ZFAND3: variants seen among roughly 807,000 people sequenced by gnomAD.
The protein encoded by ZFAND3 is AN1-type zinc finger protein 3.
Under a neutral mutation model 29.6 loss-of-function variants are expected in ZFAND3, and 10 were observed. The observed-to-expected ratio is 0.34, with a 90% CI of 0.21 to 0.57. The LOEUF is 0.57. ZFAND3 is among the 20% of genes least tolerant of loss of function. The probability of loss-of-function intolerance (pLI) is 0.86; values close to 1 mark genes in which losing one functional copy is unlikely to be tolerated. For missense variants in ZFAND3, 230 were observed against 304.5 expected (o/e 0.76, Z 1.82); for synonymous variants, 128 against 112.6 (o/e 1.14, Z -0.87).
chr6:37,906,269 T>C (rs1395486434), intron 1 of ZFAND3, among the ~76,000 whole-genome samples: 1 of 152,186 alleles, frequency 6.6e-6, no homozygotes, highest in Non-Finnish European at 1.5e-5. Flanking sequence ...GTTTATTCAG[T>C]CTCTTTCATA....
At chr6:37,864,073 G>A (rs563160197) in intron 1 of ZFAND3, among the ~76,000 whole-genome samples, 6 of 152,252 alleles carry the variant, frequency 3.9e-5, no homozygotes, top group East Asian at 1.9e-4. Context: ...TTTAATATTT[G>A]CACCTTATGT....
chr6:38,009,538 A>C (rs1290482503), intron 2 of ZFAND3, among the ~76,000 whole-genome samples: 1 of 152,210 alleles, frequency 6.6e-6, no homozygotes, highest in Non-Finnish European at 1.5e-5. Context: ...GTTAGTCTAC[A>C]AGAGCTTGCC....
chr6:37,926,224 A>G (rs571010549), intron 1 of ZFAND3, among the ~76,000 whole-genome samples: 2 of 152,334 alleles, frequency 1.3e-5, no homozygotes, highest in East Asian at 3.9e-4. Context: ...ACCCTTGTAT[A>G]TTAGTTTTCT....
rs1762411786 is a variant in ZFAND3 at position 37,972,716 on chromosome 6, AC to A, written c.112+42719del. 2.7e-5 allele frequency among the ~76,000 whole-genome samples: 4 copies of A among 147,066 alleles called. No individual in the cohort carries two copies. The South Asian group carries it at 8.5e-4, about 31-fold the overall frequency. ...CTATTAATTTTTTTTTTTTTTTTAC[AC>A]CATTGGGGTAAGATTTTATTTTGGC... On this transcript the variant is annotated intron_variant, in intron 2 of 5. Transcript: ENST00000287218.
intron 1 of ZFAND3, among the ~76,000 whole-genome samples, chr6:37,872,383 G>A (rs151169107): frequency 1.3e-5 from 2 of 152,178 alleles, no homozygotes; most frequent in African/African-American, 2.4e-5. Flanking sequence ...AACATATTCA[G>A]TTCCACTTCT....
At position 38,154,214 on chromosome 6, in the gene ZFAND3, G is replaced by A. The variant is rs563750650; in HGVS notation, c.*1825G>A. The A allele has an allele frequency of 7.2e-5, 71 of 985,568 alleles. No individual in the cohort carries two copies. Among genetic ancestry groups the A allele is most frequent in the Middle Eastern group, 5.2e-4 (1 of 1,914 alleles). 61.1% of individuals were successfully genotyped at this position (985,568 alleles called of 1,614,324 possible). A position where few individuals can be genotyped will look rare whatever the true frequency, so the allele number is the denominator to read the frequency against. ...GTGAGGCAGCCCCCCATAGGCTTCCGCCAAGCTCTGGTCCCGAAGAGGCTG... is the reference window on the plus strand; with the variant it reads ...GTGAGGCAGCCCCCCATAGGCTTCCACCAAGCTCTGGTCCCGAAGAGGCTG... On this transcript the variant is annotated 3_prime_UTR_variant, in exon 6 of 6. Coordinates refer to ENST00000287218, the MANE Select transcript of ZFAND3 (RefSeq NM_021943.3).
chr6:38,041,822 C>T lies in ZFAND3; in HGVS notation c.113-19771C>T, dbSNP rs753077504. The stretch of plus-strand genomic sequence containing the variant: ...TTCTCCTCTTCTTTCTTCTTCTTCT[C>T]CTCCTTTTTTTTTTTTTTTTATATG... On this transcript the variant is annotated intron_variant, in intron 2 of 5. Coordinates refer to ENST00000287218, the MANE Select transcript of ZFAND3 (RefSeq NM_021943.3). Among the ~76,000 whole-genome samples, 24 of 1,008 alleles carry T rather than the reference C, an allele frequency of 0.024. 12 individuals carry two copies. The Non-Finnish European group carries it at 0.44, about 19-fold the overall frequency. 0.7% of individuals were successfully genotyped at this position (1,008 alleles called of 152,430 possible). A position where few individuals can be genotyped will look rare whatever the true frequency, so the allele number is the denominator to read the frequency against.
chr6:38,102,826 G>A (rs549040302), intron 4 of ZFAND3, among the ~76,000 whole-genome samples: 2 of 152,204 alleles, frequency 1.3e-5, no homozygotes, highest in African/African-American at 4.8e-5. Flanking sequence ...GCGCGATCTC[G>A]GCTCACTGCA....
At chr6:38,002,607 G>C (rs1437287046) in intron 2 of ZFAND3, among the ~76,000 whole-genome samples, 1 of 152,106 alleles carries the variant, frequency 6.6e-6, no homozygotes, top group African/African-American at 2.4e-5. Flanking sequence ...AGCCCAGGAG[G>C]TGGAGGTTGC....
rs563288402 is a variant in ZFAND3 at position 37,943,031 on chromosome 6, A to C, written c.112+13032A>C. 9.2e-5 allele frequency among the ~76,000 whole-genome samples: 14 copies of C among 152,290 alleles called. No individual in the cohort carries two copies. In the South Asian group the frequency reaches 2.7e-3, roughly 29 times the overall value. ...GTATTAACCTATGCAAACAAGAGAG[A>C]ACAAAAGGAATGCATTTCTGTAGAA... On this transcript the variant is annotated intron_variant, in intron 2 of 5. Coordinates refer to ENST00000287218, the MANE Select transcript of ZFAND3 (RefSeq NM_021943.3).
chr6:38,077,995 T>A (rs900151736), intron 3 of ZFAND3, among the ~76,000 whole-genome samples: 3 of 152,226 alleles, frequency 2.0e-5, no homozygotes, highest in Non-Finnish European at 4.4e-5. Flanking sequence ...GAAATGTGTG[T>A]GTTGATAGTT....
chr6:38,139,604 G>GA (rs2127494596), intron 5 of ZFAND3, among the ~76,000 whole-genome samples: 1 of 152,278 alleles, frequency 6.6e-6, no homozygotes, highest in East Asian at 1.9e-4. Context: ...GGCACAAGGG[G>GA]AAGCGGCAGC....
At chr6:37,824,233 G>A (rs1012847127) in intron 1 of ZFAND3, among the ~76,000 whole-genome samples, 8 of 152,174 alleles carry the variant, frequency 5.3e-5, no homozygotes, top group Admixed American at 6.5e-5. Flanking sequence ...TATCTGAAAT[G>A]AAATAGTCAA....
chr6:38,122,611 A>G (rs140697359), intron 5 of ZFAND3, among the ~76,000 whole-genome samples: 8 of 152,140 alleles, frequency 5.3e-5, no homozygotes, highest in Non-Finnish European at 1.0e-4. Context: ...GCGTAACAGC[A>G]TGTGTCCCTA....
chr6:38,012,465 G>A (rs564230282), intron 2 of ZFAND3, among the ~76,000 whole-genome samples: 4 of 144,900 alleles, frequency 2.8e-5, no homozygotes, highest in African/African-American at 2.6e-5. Context: ...TGCAACCTCC[G>A]CCTCCCGGGT....
intron 2 of ZFAND3, among the ~76,000 whole-genome samples, chr6:38,043,228 C>T (rs1047571866): frequency 7.9e-5 from 12 of 151,950 alleles, no homozygotes; most frequent in East Asian, 7.7e-4. Context: ...TTCCTCCCTC[C>T]GTATCTCCCT....
At chr6:37,907,874 T>C (rs960509802) in intron 1 of ZFAND3, among the ~76,000 whole-genome samples, 3 of 152,214 alleles carry the variant, frequency 2.0e-5, no homozygotes, top group African/African-American at 7.2e-5. Flanking sequence ...TTTGTAGATA[T>C]TATACTTTAT....
At chr6:37,914,672 C>CTTTTTTTTCTT (rs1554157844) in intron 1 of ZFAND3, among the ~76,000 whole-genome samples, 1 of 114,210 alleles carries the variant, frequency 8.8e-6, no homozygotes, top group African/African-American at 3.6e-5. Context: ...CTTTTTTTTT[C>CTTTTTTTTCTT]TTTTTTTTTT....
intron 2 of ZFAND3, among the ~76,000 whole-genome samples, chr6:37,952,059 G>T: frequency 6.6e-6 from 1 of 152,318 alleles, no homozygotes; most frequent in East Asian, 1.9e-4. Flanking sequence ...AAGCCTGCTT[G>T]ATCATAGTGG....
Sources: gnomAD v4.1 joint callset for allele counts (sites outside exome capture counted in the v4.1 genomes callset) on GRCh38, gnomAD v4.1.1 for gene constraint, MANE v1.5 for transcripts, NCBI Gene and HGNC (gene_info 2026-07-23, HGNC 2026-07-21) for gene names.